The following MYRF variants were observed in gnomAD, a reference collection of about 807,000 sequenced individuals.
The protein encoded by MYRF is myelin gene regulatory factor.
In MYRF, 16 loss-of-function variants were observed where a neutral mutation model predicts 126.3. The observed-to-expected ratio is 0.13, with a 90% CI of 0.09 to 0.19. The LOEUF is 0.19. Ranked by LOEUF, MYRF falls within the 10% of genes least tolerant of loss-of-function variation. The pLI is 1.00. For synonymous variants in MYRF, 608 were observed against 635.3 expected, an observed-to-expected ratio of 0.96 and a Z score of 0.65; for missense variants, 1,104 against 1,547.0, an observed-to-expected ratio of 0.71 and a Z score of 4.80.
At position 61,783,153 on chromosome 11, in the gene MYRF, T is replaced by C. The variant is rs1482195427; in HGVS notation, c.3017-345T>C. The C allele has an allele frequency of 9.5e-6, 2 of 210,380 alleles. No homozygotes were observed. Among genetic ancestry groups the C allele is most frequent in the Non-Finnish European group, 1.9e-5 (2 of 103,218 alleles). 13.0% of individuals were successfully genotyped at this position (210,380 alleles called of 1,614,324 possible). On this transcript the variant is annotated intron_variant, in intron 22 of 26. Transcript: ENST00000278836. This position sits in a 1 kb window ranked among gnomAD's most constrained non-coding sequence, Gnocchi z 4.6. ...AACACTGCTGATTTCAAGCTACCAG[T>C]GTAACTGATGTTTCTGAACCCAGAA... is the stretch of plus-strand genomic sequence containing the variant.
intron 1 of MYRF, among the ~76,000 whole-genome samples, chr11:61,761,596 G>A (rs1186700154): frequency 2.6e-5 from 4 of 152,168 alleles, no homozygotes; most frequent in Non-Finnish European, 5.9e-5. Context: ...AGGTAGCCCC[G>A]GCCCTGGCCA....
At chr11:61,763,802 T>G (rs2065969986) in intron 1 of MYRF, among the ~76,000 whole-genome samples, 1 of 151,460 alleles carries the variant, frequency 6.6e-6, no homozygotes, top group African/African-American at 2.4e-5. Context: ...GAGGTGGAGG[T>G]TGCAGTGAAC....
chr11:61,770,345 G>GGGCCCCCCC lies in MYRF; in HGVS notation c.560_561insGGCCCCCCC (p.Gly187_Pro188insAlaProPro). On this transcript the variant is annotated inframe_insertion, in exon 5 of 27. Transcript: ENST00000278836. ...CCCCCACCTCCAGCCCACTTGCCAGGCCCCCCGCCACCCCCACCACCCCCA... is the reference window on the plus strand; with the variant it reads ...CCCCCACCTCCAGCCCACTTGCCAGGGGCCCCCCCCCCCCCGCCACCCCCACCACCCCCA... 1.3e-6 allele frequency: 2 copies of GGGCCCCCCC among 1,504,828 alleles called. No homozygotes were observed. The highest frequency in any genetic ancestry group is 1.8e-6 in the Non-Finnish European group (2 of 1,109,488). The allele number at this position is 1,504,828 out of a possible 1,614,324, so 93.2% of individuals were successfully genotyped here. A position where few individuals can be genotyped will look rare whatever the true frequency, so the allele number is the denominator to read the frequency against.
Position 61,778,638 on chromosome 11 carries a change from C to T in MYRF, c.2013+149C>T, listed in dbSNP as rs2066452531. On this transcript the variant is annotated intron_variant, in intron 14 of 26. Transcript: ENST00000278836. This position sits in a 1 kb window ranked among gnomAD's most constrained non-coding sequence, Gnocchi z 4.6. ...TGCTGCCTCCAGAGCGCCCTCTGCA[C>T]CCCACAGGGAAGGGGTGAGTGTTCA... 2 of 680,426 alleles carry T rather than the reference C, an allele frequency of 2.9e-6. No individual in the cohort carries two copies. The highest frequency in any genetic ancestry group is 1.6e-5 in the South Asian group (1 of 63,712). The allele number at this position is 680,426 out of a possible 1,614,324, so 42.1% of individuals were successfully genotyped here. A position where few individuals can be genotyped will look rare whatever the true frequency, so the allele number is the denominator to read the frequency against.
chr11:61,779,728 C>A (rs1400170685), intron 16 of MYRF, 114 bp from the exon 17 acceptor site: 17 of 1,216,532 alleles, frequency 1.4e-5, no homozygotes, highest in Non-Finnish European at 1.7e-5. Context: ...TCTCCCTTTG[C>A]CCCCGGGGAA....
intron 4 of MYRF, among the ~76,000 whole-genome samples, chr11:61,769,620 G>C (rs2066153615): frequency 1.3e-5 from 2 of 152,312 alleles, no homozygotes; most frequent in South Asian, 4.1e-4. Flanking sequence ...TGCAGCCTGG[G>C]TGCAGGCTTC....
intron 3 of MYRF, 127 bp downstream of exon 3, chr11:61,766,348 G>A (rs1208324121): frequency 5.6e-6 from 6 of 1,066,438 alleles, no homozygotes; most frequent in South Asian, 1.8e-5. Context: ...CTGGCTGTGC[G>A]TGGGCAGGTG....
At chr11:61,785,002 A>C (rs2066657555) in intron 25 of MYRF, 1 of 152,816 alleles carries the variant, frequency 6.5e-6, no homozygotes, top group Non-Finnish European at 1.5e-5. Context: ...GTGTTTACTC[A>C]GAAAATATTG....
rs374281980 is a variant in MYRF at position 61,777,725 on chromosome 11, T to G, written c.1792-9T>G. 1.9e-6 allele frequency: 3 copies of G among 1,548,896 alleles called. No individual in the cohort carries two copies. Among genetic ancestry groups the G allele is most frequent in the Non-Finnish European group, 2.6e-6 (3 of 1,145,052 alleles). On this transcript the variant is annotated splice_polypyrimidine_tract_variant and intron_variant, in intron 12 of 26. Coordinates refer to ENST00000278836, the MANE Select transcript of MYRF (RefSeq NM_001127392.3). The surrounding 1 kb of genome is among the most constrained non-coding windows in gnomAD (Gnocchi z 8.8). ...GGAGGGGTTCATTCCCGGGCCTGGC[T>G]CCCCGCAGGTGGACACCACCGAGCA...
intron 7 of MYRF, 120 bp downstream of exon 7, chr11:61,772,072 A>G (rs1030436575): frequency 1.4e-6 from 2 of 1,415,136 alleles, no homozygotes. Context: ...AGAAGAGCAA[A>G]CAGGCTCAGG....
intron 17 of MYRF, 98 bp downstream of exon 17, chr11:61,780,028 G>C: frequency 1.6e-6 from 2 of 1,286,160 alleles, no homozygotes; most frequent in Admixed American, 3.9e-5. Context: ...GGAAGAGGAG[G>C]ATGTAGCTTG....
In MYRF at chr11:61,777,289, G is replaced by A. The variant is rs2135839786; in HGVS notation, c.1616G>A (p.Ser539Asn). 1.2e-6 allele frequency: 2 copies of A among 1,613,586 alleles called. No individual in the cohort carries two copies. Among genetic ancestry groups the A allele is most frequent in the Admixed American group, 1.7e-5 (1 of 60,032 alleles). ...GCCTCCAACCCAGGCCAGTTCGAGA[G>A]CGACAGCGATGTGTTGTGGCAGCGG... The part of the protein sequence containing the change: ...VRASNPGQFE[S>N]DSDVLWQRAQ... The change falls in exon 12 of 27, where the codon AGC becomes AAC. Residue 539 changes from serine to asparagine, a missense_variant. Transcript: ENST00000278836. The surrounding 1 kb of genome is among the most constrained non-coding windows in gnomAD (Gnocchi z 8.8).
At chr11:61,782,009 A>C in intron 22 of MYRF, 185 bp downstream of exon 22, 1 of 593,460 alleles carries the variant, frequency 1.7e-6, no homozygotes, top group East Asian at 3.1e-5. Context: ...TTTAGTCCTC[A>C]CAGCACTCCT....
intron 22 of MYRF, chr11:61,782,914 G>A (rs1351607061): frequency 6.6e-6 from 1 of 152,586 alleles, no homozygotes; most frequent in African/African-American, 2.4e-5. Flanking sequence ...CCCCCTTCCT[G>A]GGTGGATAGT....
rs996629585 is a variant in MYRF at position 61,780,277 on chromosome 11, G to A, written c.2392G>A (p.Val798Ile). The change falls in exon 18 of 27, where the codon GTA (valine) becomes ATA (isoleucine). Residue 798 changes from valine to isoleucine, a missense_variant. By Grantham distance (29) the Val-to-Ile change is conservative (BLOSUM62 3). Around this residue, in one of 10 missense-constraint regions of MYRF, gnomAD observed 323 missense variants for 383.1 expected, o/e 0.84. Transcript: ENST00000278836. The part of the protein sequence containing the change: ...VLSLRTEEDL[V>I]DTDGSFAVST... ...GAGCCTGCGCACAGAGGAGGACCTGGTAGACACTGATGGGTAGGTTCCTGG... is the reference window on the plus strand; with the variant it reads ...GAGCCTGCGCACAGAGGAGGACCTGATAGACACTGATGGGTAGGTTCCTGG... 8.1e-6 allele frequency: 13 copies of A among 1,613,186 alleles called. No individual in the cohort carries two copies. Among genetic ancestry groups the A allele is most frequent in the Non-Finnish European group, 1.1e-5 (13 of 1,179,560 alleles).
At position 61,776,424 on chromosome 11, in the gene MYRF, G is replaced by A. The variant is rs200751113; in HGVS notation, c.1491G>A (p.Pro497=). The change falls in exon 10 of 27, where the codon CCG becomes CCA. Residue 497 remains proline, a synonymous_variant. Transcript: ENST00000278836. This position sits in a 1 kb window ranked among gnomAD's most constrained non-coding sequence, Gnocchi z 4.3. Reference sequence around the variant, plus strand: ...TGCGTAAGAAGGGCAAGCCCAACCCGGACCAGAGGTGAGCAGGTGGGGGCC... The same window carrying A: ...TGCGTAAGAAGGGCAAGCCCAACCCAGACCAGAGGTGAGCAGGTGGGGGCC... ...NNMRKKGKPN[P]DQRYFMLVVA... 9.9e-6 allele frequency: 16 copies of A among 1,612,056 alleles called. No homozygotes were observed. The highest frequency in any genetic ancestry group is 4.0e-5 in the African/African-American group (3 of 74,892).
In MYRF at chr11:61,777,145, G is replaced by A; in HGVS notation, c.1591-119G>A. The A allele has an allele frequency of 3.7e-6, 4 of 1,094,302 alleles. No individual in the cohort carries two copies. The highest frequency in any genetic ancestry group is 5.2e-6 in the Non-Finnish European group (4 of 762,944). The allele number at this position is 1,094,302 out of a possible 1,614,324, so 67.8% of individuals were successfully genotyped here. On this transcript the variant is annotated intron_variant, in intron 11 of 26. Coordinates refer to ENST00000278836, the MANE Select transcript of MYRF (RefSeq NM_001127392.3). The surrounding 1 kb of genome is among the most constrained non-coding windows in gnomAD (Gnocchi z 8.8). ...GGAGGGACAGTTCAAGTTGGGCTTGGTGCAGTGAGAAACCCTGGCTGGAAG... is the reference window on the plus strand; with the variant it reads ...GGAGGGACAGTTCAAGTTGGGCTTGATGCAGTGAGAAACCCTGGCTGGAAG...
In MYRF at chr11:61,770,499, C is replaced by T; in HGVS notation, c.714C>T (p.His238=). The change falls in exon 5 of 27, where the codon CAC becomes CAT. Residue 238 remains histidine, a synonymous_variant. Coordinates refer to ENST00000278836, the MANE Select transcript of MYRF (RefSeq NM_001127392.3). ...LHHTQQSQML[H]QLLQQHGAEL... ...ACACCCAGCAGTCCCAGATGCTGCACCAGCTCCTGCAGCAGCACGGAGCTG... is the reference window on the plus strand; with the variant it reads ...ACACCCAGCAGTCCCAGATGCTGCATCAGCTCCTGCAGCAGCACGGAGCTG... 1 of 1,564,890 alleles carries T rather than the reference C, an allele frequency of 6.4e-7. No individual in the cohort carries two copies. The highest frequency in any genetic ancestry group is 1.2e-5 in the South Asian group (1 of 85,006).
chr11:61,778,695 G>T lies in MYRF; in HGVS notation c.2013+206G>T. The stretch of plus-strand genomic sequence containing the variant: ...TGAGTGGGTAGGGATTTGGCCCCTG[G>T]AGCCTGTGTGATCAAGGGCAAGAGA... On this transcript the variant is annotated intron_variant, in intron 14 of 26. Coordinates refer to ENST00000278836, the MANE Select transcript of MYRF (RefSeq NM_001127392.3). This position sits in a 1 kb window ranked among gnomAD's most constrained non-coding sequence, Gnocchi z 4.6. 1 of 662,262 alleles carries T rather than the reference G, an allele frequency of 1.5e-6. No individual in the cohort carries two copies. The highest frequency in any genetic ancestry group is 2.8e-6 in the Non-Finnish European group (1 of 359,238). 41.0% of individuals were successfully genotyped at this position (662,262 alleles called of 1,614,324 possible). A position where few individuals can be genotyped will look rare whatever the true frequency, so the allele number is the denominator to read the frequency against.
Sources: gnomAD v4.1 joint callset for allele counts (sites outside exome capture counted in the v4.1 genomes callset) on GRCh38, gnomAD v4.1.1 for gene constraint, gnomAD v4.1.1 regional missense constraint, Gnocchi (gnomAD v3.1) non-coding constraint, MANE v1.5 for transcripts, NCBI Gene and HGNC (gene_info 2026-07-23, HGNC 2026-07-21) for gene names.